GLG1: variants seen among roughly 807,000 people sequenced by gnomAD.
GLG1 encodes the protein Golgi apparatus protein 1.
GLG1 carries 38 observed loss-of-function variants against 160.5 expected under a neutral mutation model. The ratio of observed to expected loss-of-function variants is 0.24; its 90% CI spans 0.18 to 0.31. GLG1 has a LOEUF of 0.31. Among genes scored for constraint, GLG1 ranks in the 10% least tolerant of loss-of-function variants. The probability of loss-of-function intolerance (pLI) is 1.00; values close to 1 mark genes in which losing one functional copy is unlikely to be tolerated. For synonymous variants in GLG1, 644 were observed against 543.4 expected (o/e 1.19, Z -2.57); for missense variants, 1,373 against 1,505.2 (o/e 0.91, Z 1.45).
chr16:74,591,711 C>G (rs535833140), intron 1 of GLG1, among the ~76,000 whole-genome samples: 2 of 152,252 alleles, frequency 1.3e-5, no homozygotes, highest in African/African-American at 4.8e-5. Flanking sequence ...ATCTTAGTAT[C>G]ACAGACTGTT....
At chr16:74,523,588 T>G (rs1443876090) in intron 2 of GLG1, among the ~76,000 whole-genome samples, 1 of 152,160 alleles carries the variant, frequency 6.6e-6, no homozygotes, top group Admixed American at 6.5e-5. Context: ...TTTATTTATT[T>G]AAAGGCCTTC....
chr16:74,567,725 C>T (rs917953053), intron 1 of GLG1, among the ~76,000 whole-genome samples: 21 of 151,238 alleles, frequency 1.4e-4, no homozygotes, highest in African/African-American at 4.6e-4. Context: ...CCCGCCACCG[C>T]GCCCGGCTAA....
chr16:74,455,127 C>G (rs116843361), intron 25 of GLG1, among the ~76,000 whole-genome samples: 1 of 152,114 alleles, frequency 6.6e-6, no homozygotes, highest in Non-Finnish European at 1.5e-5. Flanking sequence ...ATAATTTAAC[C>G]TCAGCTATCT....
At chr16:74,561,892 G>T (rs567489341) in intron 1 of GLG1, among the ~76,000 whole-genome samples, 1 of 152,172 alleles carries the variant, frequency 6.6e-6, no homozygotes, top group Non-Finnish European at 1.5e-5. Flanking sequence ...ATATACATTG[G>T]TGTGGTGACT....
At chr16:74,514,689 C>T (rs1044779829) in intron 2 of GLG1, among the ~76,000 whole-genome samples, 1 of 152,106 alleles carries the variant, frequency 6.6e-6, no homozygotes, top group Admixed American at 6.6e-5. Flanking sequence ...CAAAAACATG[C>T]CAAATTGTAA....
At chr16:74,591,824 A>G (rs950178249) in intron 1 of GLG1, among the ~76,000 whole-genome samples, 4 of 152,128 alleles carry the variant, frequency 2.6e-5, no homozygotes, top group Non-Finnish European at 5.9e-5. Flanking sequence ...AAATTTCAGT[A>G]ATTTTTGAAT....
At chr16:74,557,415 G>C (rs182970219) in intron 1 of GLG1, among the ~76,000 whole-genome samples, 5 of 152,258 alleles carry the variant, frequency 3.3e-5, no homozygotes, top group African/African-American at 7.2e-5. Context: ...GAGGCAAGAA[G>C]CTCTCTTTAG....
At chr16:74,526,515 G>C (rs910476578) in intron 2 of GLG1, among the ~76,000 whole-genome samples, 2 of 146,678 alleles carry the variant, frequency 1.4e-5, no homozygotes, top group African/African-American at 5.1e-5. Context: ...CTTGAGCCCA[G>C]AAGTTAGAGG....
chr16:74,476,970 A>G (rs1253336477), intron 12 of GLG1, among the ~76,000 whole-genome samples: 1 of 152,220 alleles, frequency 6.6e-6, no homozygotes, highest in Non-Finnish European at 1.5e-5. Context: ...CTTAATGGAG[A>G]AAATGAATTA....
At chr16:74,490,974 A>C in intron 8 of GLG1, 27 bp downstream of exon 8, 1 of 1,525,924 alleles carries the variant, frequency 6.6e-7, no homozygotes, top group East Asian at 2.2e-5. Context: ...TGTGACATTC[A>C]AAATGGCAAT....
chr16:74,581,968 C>T (rs2143824272), intron 1 of GLG1, among the ~76,000 whole-genome samples: 1 of 152,224 alleles, frequency 6.6e-6, no homozygotes, highest in South Asian at 2.1e-4. Context: ...TGTTCTGTGA[C>T]ACCACATTGG....
intron 11 of GLG1, among the ~76,000 whole-genome samples, chr16:74,479,639 C>T (rs530072012): frequency 3.9e-5 from 6 of 152,118 alleles, no homozygotes; most frequent in African/African-American, 9.6e-5. Context: ...CTCAACTCTC[C>T]GGAACAAAGG....
chr16:74,483,560 T>C (rs1012557842), intron 9 of GLG1, among the ~76,000 whole-genome samples: 1 of 152,254 alleles, frequency 6.6e-6, no homozygotes, highest in East Asian at 1.9e-4. Context: ...CTTTAAAATA[T>C]AAGGACTTAA....
Position 74,520,568 on chromosome 16 carries a change from G to A in GLG1, c.471+11553C>T, listed in dbSNP as rs148010582. ...GGAGAATCGCTTGAACCCAGGGGGCGGTGGTTGCAGTGAGCCAAGATCACA... is the reference window on the plus strand; with the variant it reads ...GGAGAATCGCTTGAACCCAGGGGGCAGTGGTTGCAGTGAGCCAAGATCACA... On this transcript the variant is annotated intron_variant, in intron 2 of 25. Coordinates refer to ENST00000422840, the MANE Select transcript of GLG1 (RefSeq NM_001145667.2). 7.6e-3 allele frequency among the ~76,000 whole-genome samples: 1,154 copies of A among 152,202 alleles called. 2 individuals carry two copies. The highest frequency in any genetic ancestry group is 0.014 in the Middle Eastern group (4 of 294).
intron 4 of GLG1, among the ~76,000 whole-genome samples, chr16:74,497,666 T>C (rs1452122342): frequency 6.6e-6 from 1 of 152,108 alleles, no homozygotes; most frequent in Admixed American, 6.6e-5. Context: ...CTCGATCTCC[T>C]GACCTCGTGA....
intron 1 of GLG1, among the ~76,000 whole-genome samples, chr16:74,599,596 G>A (rs1318679687): frequency 6.6e-6 from 1 of 152,072 alleles, no homozygotes; most frequent in Non-Finnish European, 1.5e-5. Context: ...CGGACACAGT[G>A]GCTCACGCCT....
intron 1 of GLG1, among the ~76,000 whole-genome samples, chr16:74,537,400 G>C (rs1340896608): frequency 6.6e-6 from 1 of 151,692 alleles, no homozygotes; most frequent in Non-Finnish European, 1.5e-5. Flanking sequence ...AAACAAAAAA[G>C]AACCCTGCCA....
At chr16:74,553,217 C>A (rs1273576033) in intron 1 of GLG1, among the ~76,000 whole-genome samples, 4 of 140,062 alleles carry the variant, frequency 2.9e-5, no homozygotes, top group Non-Finnish European at 6.2e-5. Context: ...CAAACTCTGT[C>A]TCAAAAAAAA....
intron 1 of GLG1, among the ~76,000 whole-genome samples, chr16:74,539,252 CT>C (rs1451973109): frequency 6.6e-6 from 1 of 150,674 alleles, no homozygotes; most frequent in East Asian, 2.0e-4. Context: ...ACTTTTATTA[CT>C]TGTGTGCTTC....
Sources: gnomAD v4.1 joint callset for allele counts (sites outside exome capture counted in the v4.1 genomes callset) on GRCh38, gnomAD v4.1.1 for gene constraint, MANE v1.5 for transcripts, NCBI Gene and HGNC (gene_info 2026-07-23, HGNC 2026-07-21) for gene names.